The following CSMD1 variants were observed in gnomAD, a reference collection of about 807,000 sequenced individuals.
CSMD1 encodes the protein CUB and sushi domain-containing protein 1.
Under a neutral mutation model 417.5 loss-of-function variants are expected in CSMD1, and 213 were observed. That is an observed-to-expected ratio of 0.51 (90% CI 0.46 to 0.57). The LOEUF (loss-of-function observed/expected upper bound fraction) is 0.57. Among genes scored for constraint, CSMD1 ranks in the 20% least tolerant of loss-of-function variants. CSMD1 has a pLI of 0.00. For missense variants in CSMD1, 6,923 were observed against 4,529.7 expected (o/e 1.53, Z -15.17); for synonymous variants, 2,862 against 1,736.8 (o/e 1.65, Z -16.11).
chr8:3,346,211 A>T (rs61226613), intron 22 of CSMD1, among the ~76,000 whole-genome samples: 34,726 of 151,624 alleles, frequency 0.23, 4,858 homozygotes, highest in East Asian at 0.41. Flanking sequence ...ACGTTTTTTT[A>T]AAAACAACTT....
chr8:4,450,533 G>A (rs939788511), intron 2 of CSMD1, among the ~76,000 whole-genome samples: 4 of 152,080 alleles, frequency 2.6e-5, no homozygotes, highest in African/African-American at 9.7e-5. Context: ...TACTTGGGAG[G>A]CTGAGGCACG....
chr8:4,090,428 G>T (rs1012881769), intron 3 of CSMD1, among the ~76,000 whole-genome samples: 1 of 150,486 alleles, frequency 6.6e-6, no homozygotes, highest in Admixed American at 6.6e-5. Flanking sequence ...TTGATTGGAC[G>T]TGTTTAATTT....
chr8:4,196,386 T>C (rs1443730269), intron 3 of CSMD1, among the ~76,000 whole-genome samples: 2 of 152,178 alleles, frequency 1.3e-5, no homozygotes, highest in Non-Finnish European at 2.9e-5. Context: ...TGAAATTCAA[T>C]ACAGGCCTCA....
intron 50 of CSMD1, among the ~76,000 whole-genome samples, chr8:3,038,119 A>G (rs1810818933): frequency 6.9e-6 from 1 of 144,882 alleles, no homozygotes; most frequent in Non-Finnish European, 1.6e-5. Flanking sequence ...AACTATAGCC[A>G]TGTTAAATAA....
intron 3 of CSMD1, among the ~76,000 whole-genome samples, chr8:4,310,771 A>G (rs1798518824): frequency 6.6e-6 from 1 of 152,198 alleles, no homozygotes; most frequent in Admixed American, 6.5e-5. Context: ...CTGTGTCCAT[A>G]TACAGCCTTA....
intron 3 of CSMD1, among the ~76,000 whole-genome samples, chr8:4,050,710 A>C (rs1350043142): frequency 2.6e-5 from 4 of 152,212 alleles, no homozygotes; most frequent in African/African-American, 9.6e-5. Context: ...CCAACCTCAA[A>C]AACTATTTAG....
At chr8:4,234,559 T>C (rs1354629622) in intron 3 of CSMD1, among the ~76,000 whole-genome samples, 2 of 152,212 alleles carry the variant, frequency 1.3e-5, no homozygotes, top group African/African-American at 4.8e-5. Flanking sequence ...GGCCGTTCCT[T>C]TAGTACAATT....
At chr8:4,363,095 T>C (rs1322308049) in intron 3 of CSMD1, among the ~76,000 whole-genome samples, 1 of 152,178 alleles carries the variant, frequency 6.6e-6, no homozygotes, top group South Asian at 2.1e-4. Flanking sequence ...CAGTGGATCA[T>C]AATATCAGAG....
intron 33 of CSMD1, among the ~76,000 whole-genome samples, chr8:3,196,551 C>T (rs1264335613): frequency 1.3e-5 from 2 of 152,176 alleles, no homozygotes; most frequent in African/African-American, 2.4e-5. Context: ...TCTTATACTT[C>T]AGGAGGGGAA....
chr8:4,203,218 G>T, intron 3 of CSMD1, among the ~76,000 whole-genome samples: 1 of 152,158 alleles, frequency 6.6e-6, no homozygotes, highest in Non-Finnish European at 1.5e-5. Context: ...TTTGAAGATG[G>T]AGAAAGAAGG....
intron 3 of CSMD1, among the ~76,000 whole-genome samples, chr8:4,245,217 T>C (rs960102761): frequency 7.2e-5 from 11 of 152,180 alleles, no homozygotes; most frequent in Admixed American, 2.0e-4. Context: ...CCACTGGTTT[T>C]CTGAACTCTA....
At chr8:3,755,790 A>C (rs539279467) in intron 5 of CSMD1, among the ~76,000 whole-genome samples, 3 of 152,176 alleles carry the variant, frequency 2.0e-5, no homozygotes, top group African/African-American at 7.2e-5. Flanking sequence ...AACAGTGTTT[A>C]TGCCACTGTT....
chr8:4,197,982 A>G (rs1013277331), intron 3 of CSMD1, among the ~76,000 whole-genome samples: 3 of 152,244 alleles, frequency 2.0e-5, no homozygotes, highest in Admixed American at 1.3e-4. Flanking sequence ...GGAATAAAGT[A>G]ATGAATAAAA....
At chr8:4,509,328 C>G (rs1802697548) in intron 2 of CSMD1, among the ~76,000 whole-genome samples, 1 of 152,082 alleles carries the variant, frequency 6.6e-6, no homozygotes, top group South Asian at 2.1e-4. Flanking sequence ...AACCCCCACC[C>G]TCTGGAAAAA....
At chr8:4,116,448 G>A (rs554873420) in intron 3 of CSMD1, among the ~76,000 whole-genome samples, 8 of 145,584 alleles carry the variant, frequency 5.5e-5, no homozygotes, top group Non-Finnish European at 7.5e-5. Flanking sequence ...TATGAGTGCA[G>A]GTGCCTGAAT....
chr8:4,529,964 G>T (rs1181752704), intron 2 of CSMD1, among the ~76,000 whole-genome samples: 1 of 151,714 alleles, frequency 6.6e-6, no homozygotes, highest in South Asian at 2.1e-4. Flanking sequence ...ACCCAGGCTG[G>T]AGTGCAGTGG....
At chr8:4,047,497 G>C (rs567533284) in intron 3 of CSMD1, among the ~76,000 whole-genome samples, 1 of 151,584 alleles carries the variant, frequency 6.6e-6, no homozygotes, top group South Asian at 2.1e-4. Flanking sequence ...CGTAAATGCA[G>C]GGAAGGCAAC....
At chr8:4,506,992 G>T (rs529844488) in intron 2 of CSMD1, among the ~76,000 whole-genome samples, 1 of 152,168 alleles carries the variant, frequency 6.6e-6, no homozygotes, top group South Asian at 2.1e-4. Flanking sequence ...AATCGGTGAA[G>T]GAATTCCTAA....
At chr8:3,864,574 C>G (rs1804952367) in intron 5 of CSMD1, among the ~76,000 whole-genome samples, 1 of 152,136 alleles carries the variant, frequency 6.6e-6, no homozygotes, top group Non-Finnish European at 1.5e-5. Flanking sequence ...CCCATTAACT[C>G]GTCATTTAGC....
Sources: gnomAD v4.1 joint callset for allele counts (sites outside exome capture counted in the v4.1 genomes callset) on GRCh38, gnomAD v4.1.1 for gene constraint, MANE v1.5 for transcripts, NCBI Gene and HGNC (gene_info 2026-07-23, HGNC 2026-07-21) for gene names.